The following WDPCP variants were observed in gnomAD, a reference collection of about 807,000 sequenced individuals.
WDPCP encodes WD repeat containing planar cell polarity effector.
A neutral mutation model predicts 93.1 loss-of-function variants in WDPCP; 71 were observed. The ratio of observed to expected loss-of-function variants is 0.76; its 90% confidence interval spans 0.63 to 0.93. WDPCP has a LOEUF of 0.93. WDPCP is among the 40% of genes least tolerant of loss of function. The pLI, the probability that WDPCP is intolerant of heterozygous loss-of-function variation, is 0.00. For synonymous variants in WDPCP, 315 were observed against 315.0 expected, an observed-to-expected ratio of 1.00 and a Z score of 0.00; for missense variants, 844 against 887.4, an observed-to-expected ratio of 0.95 and a Z score of 0.62.
At chr2:63,650,043 G>A (rs1360915528) in intron 3 of WDPCP, among the ~76,000 whole-genome samples, 1 of 152,220 alleles carries the variant, frequency 6.6e-6, no homozygotes, top group Non-Finnish European at 1.5e-5. Flanking sequence ...ACAGTGGTGT[G>A]TACAGCCAAG....
chr2:63,454,135 G>T (rs1312138571), intron 6 of WDPCP, among the ~76,000 whole-genome samples: 3 of 149,652 alleles, frequency 2.0e-5, no homozygotes, highest in African/African-American at 4.9e-5. Flanking sequence ...AAAAAAGAAA[G>T]AAAATGTGGC....
At chr2:63,221,218 C>T (rs532776027) in intron 14 of WDPCP, among the ~76,000 whole-genome samples, 1 of 152,268 alleles carries the variant, frequency 6.6e-6, no homozygotes, top group East Asian at 1.9e-4. Flanking sequence ...CGCTGTAGAA[C>T]TATTTTTCCA....
intron 2 of WDPCP, among the ~76,000 whole-genome samples, chr2:63,811,715 T>G (rs1245165763): frequency 1.4e-4 from 22 of 152,034 alleles, no homozygotes; most frequent in Non-Finnish European, 1.5e-5. Flanking sequence ...ACTCGGGTAC[T>G]GAGCATAGTA....
chr2:63,588,987 C>T (rs574874073), upstream of WDPCP: 3 of 1,613,670 alleles, frequency 1.9e-6, no homozygotes, highest in South Asian at 1.1e-5. Flanking sequence ...GTAGAGGTGA[C>T]CTGACTCTCT....
chr2:63,497,383 T>C (rs979858520), intron 1 of WDPCP, among the ~76,000 whole-genome samples: 1 of 152,154 alleles, frequency 6.6e-6, no homozygotes, highest in Admixed American at 6.5e-5. Context: ...AAAACTCTTG[T>C]GGATTCCCCA....
At chr2:63,129,721 A>G (rs1042281956) in intron 17 of WDPCP, among the ~76,000 whole-genome samples, 2 of 152,140 alleles carry the variant, frequency 1.3e-5, no homozygotes, top group Admixed American at 1.3e-4. Flanking sequence ...GTCGCTCAGT[A>G]TTTGTGGGGA....
Position 63,396,246 on chromosome 2 carries a change from A to G in WDPCP, c.1435+7802T>C, listed in dbSNP as rs1179734875. 2.6e-5 allele frequency among the ~76,000 whole-genome samples: 4 copies of G among 152,222 alleles called. No homozygotes were observed. The East Asian group carries it at 7.7e-4, about 29-fold the overall frequency. The stretch of plus-strand genomic sequence containing the variant: ...ATAAATAACCTAATACCACTTGGGT[A>G]AAGTATAATGTTAAAATAACTCTTT... On this transcript the variant is annotated intron_variant, in intron 10 of 17. Transcript: ENST00000272321.
chr2:63,547,115 A>G (rs1474097475), intron 1 of WDPCP, among the ~76,000 whole-genome samples: 1 of 152,192 alleles, frequency 6.6e-6, no homozygotes, highest in Non-Finnish European at 1.5e-5. Flanking sequence ...CATATCTCAA[A>G]AAAGATATAC....
chr2:63,494,294 G>GACGACGACA (rs1474708670), intron 1 of WDPCP, among the ~76,000 whole-genome samples: 2 of 151,826 alleles, frequency 1.3e-5, no homozygotes, highest in Non-Finnish European at 2.9e-5. Flanking sequence ...TGATGACGAC[G>GACGACGACA]ACGACGACAA....
chr2:63,338,551 T>TA lies in WDPCP; in HGVS notation c.1749-25241dup, dbSNP rs373990599. On this transcript the variant is annotated intron_variant, in intron 12 of 17. Transcript: ENST00000272321. ...TGGGCAACAAGAGCAAAACTCCATC[T>TA]AAAAAAAAAAAAAAAAAAATATATA... Among the ~76,000 whole-genome samples the TA allele has an allele frequency of 4.7e-3, 117 of 25,078 alleles. 1 individual carries two copies. Among genetic ancestry groups the TA allele is most frequent in the Non-Finnish European group, 6.1e-3 (94 of 15,432 alleles). 16.5% of individuals were successfully genotyped at this position (25,078 alleles called of 152,430 possible).
chr2:63,593,630 T>C (rs1575720322), upstream of WDPCP: 1 of 471,696 alleles, frequency 2.1e-6, no homozygotes. Flanking sequence ...TCCATGCAGG[T>C]AGGGGTAAAG....
intron 2 of WDPCP, among the ~76,000 whole-genome samples, chr2:63,681,198 A>G (rs1710488178): frequency 6.6e-6 from 1 of 152,116 alleles, no homozygotes; most frequent in Non-Finnish European, 1.5e-5. Flanking sequence ...CACTTTAGCT[A>G]CTAGCTCAGC....
At chr2:63,386,794 T>C (rs1315446775) in intron 10 of WDPCP, among the ~76,000 whole-genome samples, 1 of 151,792 alleles carries the variant, frequency 6.6e-6, no homozygotes, top group Non-Finnish European at 1.5e-5. Context: ...TCCATCAATA[T>C]GTGAAAGGAT....
At chr2:63,271,299 C>A (rs1296554047) in intron 13 of WDPCP, among the ~76,000 whole-genome samples, 1 of 152,242 alleles carries the variant, frequency 6.6e-6, no homozygotes, top group Non-Finnish European at 1.5e-5. Flanking sequence ...GACCAGCCAA[C>A]CTGGGCACCA....
chr2:63,670,842 T>C (rs900477912), intron 2 of WDPCP, among the ~76,000 whole-genome samples: 2 of 151,908 alleles, frequency 1.3e-5, no homozygotes, highest in East Asian at 3.9e-4. Context: ...CTTGGGGTAG[T>C]GGGAGCACAT....
intron 3 of WDPCP, among the ~76,000 whole-genome samples, chr2:63,646,136 A>G (rs1710046631): frequency 6.6e-6 from 1 of 151,916 alleles, no homozygotes; most frequent in Admixed American, 6.6e-5. Flanking sequence ...GATATGATCT[A>G]GTTTCTTGCT....
chr2:63,527,649 T>G (rs1575585431), intron 1 of WDPCP, among the ~76,000 whole-genome samples: 1 of 152,242 alleles, frequency 6.6e-6, no homozygotes, highest in East Asian at 1.9e-4. Context: ...TTCCAAGTCT[T>G]CACTATTGTG....
At chr2:63,595,741 A>ATG (rs764863473) in intron 3 of WDPCP, among the ~76,000 whole-genome samples, 35 of 152,194 alleles carry the variant, frequency 2.3e-4, no homozygotes, top group Admixed American at 8.5e-4. Flanking sequence ...TTTTTCCCCA[A>ATG]TGTGTGTGTG....
chr2:63,274,409 T>G (rs934214254), intron 13 of WDPCP, among the ~76,000 whole-genome samples: 1 of 151,872 alleles, frequency 6.6e-6, no homozygotes, highest in African/African-American at 2.4e-5. Flanking sequence ...TACCTAACAA[T>G]GCACCTGAAG....
Sources: allele counts gnomAD v4.1 joint callset (sites outside exome capture counted in the v4.1 genomes callset), GRCh38; gene constraint gnomAD v4.1.1; transcripts MANE v1.5; gene names NCBI Gene and HGNC (gene_info 2026-07-23, HGNC 2026-07-21).